Variants in ATRNL1 observed in about 807,000 individuals in gnomAD.
ATRNL1 encodes attractin like 1, also known as attractin-like protein 1.
A neutral mutation model predicts 182.7 loss-of-function variants in ATRNL1; 95 were observed. That is an observed-to-expected ratio of 0.52 (90% CI 0.44 to 0.62). The LOEUF (loss-of-function observed/expected upper bound fraction) is 0.62. ATRNL1 is among the 20% of genes least tolerant of loss of function. The probability of loss-of-function intolerance (pLI) is 0.00; values close to 1 mark genes in which losing one functional copy is unlikely to be tolerated. For missense variants in ATRNL1, 1,471 were observed against 1,679.5 expected, an observed-to-expected ratio of 0.88 and a Z score of 2.17; for synonymous variants, 576 against 568.3, an observed-to-expected ratio of 1.01 and a Z score of -0.19.
intron 25 of ATRNL1, among the ~76,000 whole-genome samples, chr10:115,535,663 G>A (rs1023621247): frequency 2.2e-4 from 34 of 152,130 alleles, no homozygotes; most frequent in Admixed American, 2.6e-4. Flanking sequence ...AACTGCGTTC[G>A]TTTGGAGGAG....
At chr10:115,518,059 A>G (rs1409796523) in intron 24 of ATRNL1, among the ~76,000 whole-genome samples, 1 of 151,896 alleles carries the variant, frequency 6.6e-6, no homozygotes, top group East Asian at 1.9e-4. Flanking sequence ...CCAAAGAATC[A>G]TTTTCTCAAC....
intron 26 of ATRNL1, among the ~76,000 whole-genome samples, chr10:115,605,330 C>T (rs144410446): frequency 1.1e-3 from 171 of 152,078 alleles, no homozygotes; most frequent in Non-Finnish European, 1.1e-3. Flanking sequence ...GTCTTTCTTA[C>T]TTACAAATAA....
rs71895625 is a variant in ATRNL1, at chr10:115,442,270, G to GCTCTCTCTCTCTCTCTCTCT, written c.3322+15983_3322+16002dup. On this transcript the variant is annotated intron_variant, in intron 21 of 28. Coordinates refer to ENST00000355044, the MANE Select transcript of ATRNL1 (RefSeq NM_207303.4). ...CGCAGCTTCATTTTCATTTGTGTTT[G>GCTCTCTCTCTCTCTCTCTCT]CTCTCTCTCTCTCTCTCTCTCTCTC... 1.7e-3 allele frequency among the ~76,000 whole-genome samples: 166 copies of GCTCTCTCTCTCTCTCTCTCT among 100,310 alleles called. 2 individuals are homozygous for GCTCTCTCTCTCTCTCTCTCT. Among genetic ancestry groups the GCTCTCTCTCTCTCTCTCTCT allele is most frequent in the African/African-American group, 6.3e-3 (143 of 22,556 alleles). The allele number at this position is 100,310 out of a possible 152,430, so 65.8% of individuals were successfully genotyped here.
chr10:115,781,282 A>G (rs758579), intron 27 of ATRNL1, among the ~76,000 whole-genome samples: 115,949 of 152,108 alleles, frequency 0.76, 44,264 homozygotes, highest in Admixed American at 0.82. Context: ...ACCATTTGGA[A>G]AAACAATTTG....
At chr10:115,173,331 G>C (rs1379187058) in intron 8 of ATRNL1, among the ~76,000 whole-genome samples, 1 of 151,788 alleles carries the variant, frequency 6.6e-6, no homozygotes, top group African/African-American at 2.4e-5. Flanking sequence ...TTATTATAGT[G>C]CTCAGGAAAT....
chr10:115,589,158 G>C (rs1442129554), intron 26 of ATRNL1, among the ~76,000 whole-genome samples: 2 of 152,212 alleles, frequency 1.3e-5, no homozygotes, highest in African/African-American at 2.4e-5. Flanking sequence ...GATATAATTA[G>C]ACTTTGACTA....
chr10:115,901,796 G>T (rs549074037), intron 28 of ATRNL1, among the ~76,000 whole-genome samples: 2 of 149,092 alleles, frequency 1.3e-5, no homozygotes, highest in Admixed American at 6.7e-5. Context: ...TTCTAACAGT[G>T]CTAAAAAACA....
intron 26 of ATRNL1, among the ~76,000 whole-genome samples, chr10:115,661,201 T>C (rs1439618763): frequency 1.3e-5 from 2 of 152,154 alleles, no homozygotes; most frequent in African/African-American, 4.8e-5. Flanking sequence ...ACCTCAGAAC[T>C]CTTCCAAGAT....
chr10:115,719,597 T>C (rs547013135), intron 26 of ATRNL1, among the ~76,000 whole-genome samples: 1 of 152,324 alleles, frequency 6.6e-6, no homozygotes, highest in East Asian at 1.9e-4. Flanking sequence ...TACTTCAAAA[T>C]ACTCAGTGTT....
chr10:115,138,424 CTTCTGCCTGGGCATCCAGGCATTT>C (rs1267540954), intron 5 of ATRNL1, among the ~76,000 whole-genome samples: 3 of 152,240 alleles, frequency 2.0e-5, no homozygotes, highest in African/African-American at 7.2e-5. Context: ...CTGCAGCAGA[CTTCTGCCTGGGCATCCAGGCATTT>C]TCATACATCC....
chr10:115,602,497 A>G (rs782063362), intron 26 of ATRNL1, among the ~76,000 whole-genome samples: 2 of 152,194 alleles, frequency 1.3e-5, no homozygotes, highest in African/African-American at 4.8e-5. Context: ...CAATTCTGAC[A>G]CTGACTATTC....
intron 19 of ATRNL1, among the ~76,000 whole-genome samples, chr10:115,348,464 T>A (rs1183983089): frequency 6.6e-6 from 1 of 152,346 alleles, no homozygotes; most frequent in African/African-American, 2.4e-5. Context: ...AAGTTTAGTA[T>A]TTTGATAAAA....
chr10:115,734,871 T>G (rs1309625292), intron 27 of ATRNL1, among the ~76,000 whole-genome samples: 3 of 152,176 alleles, frequency 2.0e-5, no homozygotes, highest in Non-Finnish European at 4.4e-5. Context: ...ATTTATTTAT[T>G]TTAGTGGTTA....
intron 28 of ATRNL1, among the ~76,000 whole-genome samples, chr10:115,896,787 A>G (rs1952219489): frequency 6.6e-6 from 1 of 152,206 alleles, no homozygotes; most frequent in Non-Finnish European, 1.5e-5. Flanking sequence ...TTCAAAAAAT[A>G]TGAATTCAAC....
In ATRNL1 at chr10:115,262,797, G is replaced by A. The variant is rs564620461; in HGVS notation, c.1688-2396G>A. The stretch of plus-strand genomic sequence containing the variant: ...CATGTGAAAATAAGTTGACTCACCA[G>A]TAACTGGAAAAATGTAAAATCAAAC... On this transcript the variant is annotated intron_variant, in intron 10 of 28. Coordinates refer to ENST00000355044, the MANE Select transcript of ATRNL1 (RefSeq NM_207303.4). Among the ~76,000 whole-genome samples the A allele has an allele frequency of 3.3e-5, 5 of 152,078 alleles. No homozygotes were observed. In the South Asian group the frequency reaches 1.0e-3, roughly 31 times the overall value.
chr10:115,866,031 A>G (rs1951433467), intron 28 of ATRNL1, among the ~76,000 whole-genome samples: 1 of 152,222 alleles, frequency 6.6e-6, no homozygotes, highest in Non-Finnish European at 1.5e-5. Context: ...AGATAAATCA[A>G]AAAGTGTAGA....
chr10:115,932,927 C>T (rs1953447203), intron 28 of ATRNL1, among the ~76,000 whole-genome samples: 1 of 151,850 alleles, frequency 6.6e-6, no homozygotes, highest in Admixed American at 6.6e-5. Flanking sequence ...CATCACTACC[C>T]AACACTTTAG....
At chr10:115,818,286 G>C (rs1023267571) in intron 27 of ATRNL1, among the ~76,000 whole-genome samples, 1 of 151,084 alleles carries the variant, frequency 6.6e-6, no homozygotes, top group Non-Finnish European at 1.5e-5. Flanking sequence ...TTTATGAAAA[G>C]GTATAGACTT....
intron 26 of ATRNL1, among the ~76,000 whole-genome samples, chr10:115,664,976 G>A (rs782100582): frequency 1.6e-4 from 24 of 152,006 alleles, no homozygotes; most frequent in Non-Finnish European, 2.5e-4. Context: ...TAATTTTAAA[G>A]CCAAAGATAA....
Sources: allele counts gnomAD v4.1 joint callset (sites outside exome capture counted in the v4.1 genomes callset), GRCh38; gene constraint gnomAD v4.1.1; transcripts MANE v1.5; gene names NCBI Gene and HGNC (gene_info 2026-07-23, HGNC 2026-07-21).